The following PIBF1 variants were observed in gnomAD, a reference collection of about 807,000 sequenced individuals.
PIBF1 encodes progesterone-induced-blocking factor 1.
PIBF1 carries 90 observed loss-of-function variants against 112.5 expected under a neutral mutation model. The observed-to-expected ratio is 0.80, with a 90% confidence interval of 0.67 to 0.95. The LOEUF is 0.95. PIBF1 is among the 40% of genes least tolerant of loss of function. The pLI, the probability that PIBF1 is intolerant of heterozygous loss-of-function variation, is 0.00. For missense variants in PIBF1, 915 were observed against 852.3 expected (o/e 1.07, Z -0.92); for synonymous variants, 301 against 288.6 (o/e 1.04, Z -0.44).
intron 5 of PIBF1, among the ~76,000 whole-genome samples, chr13:72,800,866 G>A (rs1412708995): frequency 6.6e-6 from 1 of 152,194 alleles, no homozygotes; most frequent in Non-Finnish European, 1.5e-5. Context: ...TATATGGAGA[G>A]CAGGGAAGAG....
At chr13:72,901,018 G>A (rs759127767) in intron 11 of PIBF1, 59 of 421,920 alleles carry the variant, frequency 1.4e-4, no homozygotes, top group African/African-American at 5.0e-4. Context: ...GCAAAACTCC[G>A]TCTCAAAACA....
At position 72,858,023 on chromosome 13, in the gene PIBF1, T is replaced by TTGCTTTGTGTGTGTGTG. The variant is rs71099760; in HGVS notation, c.1322+3870_1322+3871insCTTTGTGTGTGTGTGTG. Among the ~76,000 whole-genome samples the TTGCTTTGTGTGTGTGTG allele has an allele frequency of 1.2e-3, 170 of 141,312 alleles. 1 individual carries two copies. The highest frequency in any genetic ancestry group is 3.6e-3 in the Middle Eastern group (1 of 280). 92.7% of individuals were successfully genotyped at this position (141,312 alleles called of 152,430 possible). On this transcript the variant is annotated intron_variant, in intron 10 of 17. Coordinates refer to ENST00000326291, the MANE Select transcript of PIBF1 (RefSeq NM_006346.4). ...TACCTATCAGAAGTACAAATGTACA[T>TTGCTTTGTGTGTGTGTG]TGTGTGTGTGTGTGTGTGTGTGTGT...
chr13:72,824,347 C>T (rs994771303), intron 6 of PIBF1, among the ~76,000 whole-genome samples: 1 of 152,120 alleles, frequency 6.6e-6, no homozygotes, highest in Admixed American at 6.5e-5. Context: ...CAATTCAACA[C>T]TGCAACAGCC....
chr13:72,858,343 C>T lies in PIBF1; in HGVS notation c.1322+4188C>T, dbSNP rs7332885. Among the ~76,000 whole-genome samples the T allele has an allele frequency of 7.1e-3, 1,078 of 152,260 alleles. 15 individuals are homozygous for T. Among genetic ancestry groups the T allele is most frequent in the African/African-American group, 0.025 (1,027 of 41,556 alleles). ...CTGGGATTACAGGCGTGAGCCACTA[C>T]GCCCAGCCATACATTGCTCTTGATC... is the stretch of plus-strand genomic sequence containing the variant. On this transcript the variant is annotated intron_variant, in intron 10 of 17. Coordinates refer to ENST00000326291, the MANE Select transcript of PIBF1 (RefSeq NM_006346.4).
chr13:72,958,309 CAAAAAAAAAA>C (rs71799519), intron 14 of PIBF1, among the ~76,000 whole-genome samples: 1 of 68,746 alleles, frequency 1.5e-5, no homozygotes, highest in South Asian at 6.6e-4. Context: ...GACCCTATCT[CAAAAAAAAAA>C]AAAAAAAAAA....
chr13:72,887,986 T>C (rs974376773), intron 10 of PIBF1, among the ~76,000 whole-genome samples: 4 of 152,180 alleles, frequency 2.6e-5, no homozygotes, highest in Non-Finnish European at 4.4e-5. Flanking sequence ...CGTGTTGGTA[T>C]TGCTCAATTC....
chr13:72,870,552 G>A (rs2039119128), intron 10 of PIBF1, among the ~76,000 whole-genome samples: 1 of 152,122 alleles, frequency 6.6e-6, no homozygotes, highest in African/African-American at 2.4e-5. Context: ...GAACCTTTGT[G>A]CATGACACAC....
rs1329028582 is a variant in PIBF1 at position 72,850,549 on chromosome 13, T to C, written c.1224-3508T>C. ...CATTGTTGCAAGAAAGGAAATGTTA[T>C]TAGGGACTGAAGCTTCTCCATCTAC... On this transcript the variant is annotated intron_variant, in intron 9 of 17. Transcript: ENST00000326291. Among the ~76,000 whole-genome samples the C allele has an allele frequency of 2.0e-5, 3 of 152,342 alleles. No homozygotes were observed. In the East Asian group the frequency reaches 5.8e-4, roughly 29 times the overall value.
intron 11 of PIBF1, among the ~76,000 whole-genome samples, chr13:72,900,904 C>T (rs2040458670): frequency 6.6e-6 from 1 of 152,184 alleles, no homozygotes; most frequent in African/African-American, 2.4e-5. Context: ...TGCCTGTAAT[C>T]CCAGCTACTG....
intron 10 of PIBF1, among the ~76,000 whole-genome samples, chr13:72,886,320 A>G (rs904884289): frequency 4.6e-5 from 7 of 152,006 alleles, no homozygotes; most frequent in Non-Finnish European, 1.0e-4. Context: ...AAGCACTAAT[A>G]TAATAAATAC....
intron 10 of PIBF1, among the ~76,000 whole-genome samples, chr13:72,862,308 G>A (rs1173480748): frequency 6.6e-6 from 1 of 152,144 alleles, no homozygotes; most frequent in Non-Finnish European, 1.5e-5. Context: ...CATTTACTAA[G>A]GAAAAAATAA....
In PIBF1 at chr13:72,993,398, T is replaced by TA. The variant is rs563405207; in HGVS notation, c.2050-5421dup. 2.3e-3 allele frequency among the ~76,000 whole-genome samples: 345 copies of TA among 152,020 alleles called. 2 individuals are homozygous for TA. Among genetic ancestry groups the TA allele is most frequent in the Non-Finnish European group, 4.0e-3 (270 of 67,986 alleles). On this transcript the variant is annotated intron_variant, in intron 16 of 17. Transcript: ENST00000326291. ...GCGAAAGTCAAAATCATGAAGTAAA[T>TA]AAAGTATAAGTAAAACTGCCAATAG...
Position 72,842,130 on chromosome 13 carries a change from A to G in PIBF1, c.1223+6762A>G, listed in dbSNP as rs1027180339. On this transcript the variant is annotated intron_variant, in intron 9 of 17. Coordinates refer to ENST00000326291, the MANE Select transcript of PIBF1 (RefSeq NM_006346.4). ...CATTCTTTTCTGTCTAAATTTCTGCATAAGATGGCTAGCTTATGTTTCCTA... is the reference window on the plus strand; with the variant it reads ...CATTCTTTTCTGTCTAAATTTCTGCGTAAGATGGCTAGCTTATGTTTCCTA... Among the ~76,000 whole-genome samples, 3 of 152,358 alleles carry G rather than the reference A, an allele frequency of 2.0e-5. No homozygotes were observed. In the East Asian group the frequency reaches 5.8e-4, roughly 29 times the overall value.
intron 17 of PIBF1, among the ~76,000 whole-genome samples, chr13:73,013,803 A>G (rs1409203425): frequency 1.3e-5 from 2 of 152,020 alleles, no homozygotes; most frequent in Non-Finnish European, 2.9e-5. Flanking sequence ...CACCTTACCT[A>G]TAGAGAAGCA....
chr13:72,899,629 C>G (rs1306788626), intron 11 of PIBF1, among the ~76,000 whole-genome samples: 1 of 152,162 alleles, frequency 6.6e-6, no homozygotes, highest in Non-Finnish European at 1.5e-5. Flanking sequence ...CCATCTATAA[C>G]AGACCTACAG....
At chr13:72,919,184 A>G (rs1208829942) in intron 13 of PIBF1, among the ~76,000 whole-genome samples, 3 of 152,210 alleles carry the variant, frequency 2.0e-5, no homozygotes, top group African/African-American at 7.2e-5. Context: ...TAGAACATCT[A>G]TATGGCTATC....
At chr13:72,982,995 T>C (rs897072225) in intron 16 of PIBF1, among the ~76,000 whole-genome samples, 1 of 152,212 alleles carries the variant, frequency 6.6e-6, no homozygotes, top group Non-Finnish European at 1.5e-5. Context: ...TCTATGGTTA[T>C]CACACTTATA....
intron 16 of PIBF1, among the ~76,000 whole-genome samples, chr13:72,995,493 C>G (rs553083191): frequency 1.3e-5 from 2 of 152,014 alleles, no homozygotes; most frequent in African/African-American, 2.4e-5. Flanking sequence ...AATATACTTA[C>G]AGCAGTTTAG....
intron 5 of PIBF1, among the ~76,000 whole-genome samples, chr13:72,811,034 A>C (rs553813813): frequency 2.0e-5 from 3 of 151,792 alleles, no homozygotes; most frequent in African/African-American, 7.2e-5. Context: ...TTTTTTGTAT[A>C]TCTTTTTAGT....
Sources: gnomAD v4.1 joint callset for allele counts (sites outside exome capture counted in the v4.1 genomes callset) on GRCh38, gnomAD v4.1.1 for gene constraint, MANE v1.5 for transcripts, NCBI Gene and HGNC (gene_info 2026-07-23, HGNC 2026-07-21) for gene names.